The following PCDHA2 variants were observed in gnomAD, a reference collection of about 807,000 sequenced individuals.
The protein encoded by PCDHA2 is protocadherin alpha 2.
In PCDHA2, 58 loss-of-function variants were observed where a neutral mutation model predicts 66.0. That is an observed-to-expected ratio of 0.88 (90% CI 0.71 to 1.09). PCDHA2 has a LOEUF of 1.09. PCDHA2 is among the 50% of genes least tolerant of loss of function. PCDHA2 has a pLI of 0.00. For synonymous variants in PCDHA2, 634 were observed against 554.0 expected (o/e 1.14, Z -2.03); for missense variants, 1,267 against 1,242.3 (o/e 1.02, Z -0.30).
intron 1 of PCDHA2, among the ~76,000 whole-genome samples, chr5:140,935,745 T>C (rs564797649): frequency 6.6e-6 from 1 of 152,324 alleles, no homozygotes; most frequent in South Asian, 2.1e-4. Flanking sequence ...TATTATTCCA[T>C]ACAATACACA....
At chr5:140,831,893 T>C (rs1326674462) in intron 1 of PCDHA2, among the ~76,000 whole-genome samples, 2 of 152,204 alleles carry the variant, frequency 1.3e-5, no homozygotes, top group African/African-American at 4.8e-5. Flanking sequence ...TAACTGTGTT[T>C]GCCAAATAGC....
At chr5:140,869,098 T>C (rs1581867822) in intron 1 of PCDHA2, 7 of 1,596,122 alleles carry the variant, frequency 4.4e-6, no homozygotes, top group Non-Finnish European at 5.1e-6. Flanking sequence ...GCCAATTTCG[T>C]ATGCGATGTT....
In PCDHA2 at chr5:140,895,583, A is replaced by C. The variant is rs545210218; in HGVS notation, c.2389-83366A>C. On this transcript the variant is annotated intron_variant, in intron 1 of 3. Coordinates refer to ENST00000526136, the MANE Select transcript of PCDHA2 (RefSeq NM_018905.3). ...ATATTCTAGATGCAATTACTTTATT[A>C]GATATATAATTTGCAAAGATTTTCT... Among the ~76,000 whole-genome samples, 15 of 152,292 alleles carry C rather than the reference A, an allele frequency of 9.8e-5. No individual in the cohort carries two copies. In the South Asian group the frequency reaches 3.1e-3, roughly 32 times the overall value.
intron 1 of PCDHA2, chr5:140,849,805 C>T: frequency 6.3e-7 from 1 of 1,598,382 alleles, no homozygotes; most frequent in Non-Finnish European, 8.6e-7. Flanking sequence ...TCACTGTGGG[C>T]CACGGCCAGG....
At position 140,794,992 on chromosome 5, in the gene PCDHA2, G is replaced by A; in HGVS notation, c.28G>A (p.Gly10Arg). ...GGCGTCTTCTATCAGAAGGGGCCGA[G>A]GGGCCTGGACACGGCTGCTCTCGCT... The part of the protein sequence containing the change: MASSIRRGR[G>R]AWTRLLSLLL... The change falls in exon 1 of 4, where the codon GGG (glycine) becomes AGG (arginine). Residue 10 changes from glycine to arginine, a missense_variant. Coordinates refer to ENST00000526136, the MANE Select transcript of PCDHA2 (RefSeq NM_018905.3). The A allele has an allele frequency of 6.2e-7, 1 of 1,613,264 alleles. No individual in the cohort carries two copies. Among genetic ancestry groups the A allele is most frequent in the Non-Finnish European group, 8.5e-7 (1 of 1,179,512 alleles).
intron 1 of PCDHA2, chr5:140,842,566 CGAGAGA>C: frequency 6.7e-7 from 1 of 1,503,446 alleles, no homozygotes; most frequent in Non-Finnish European, 9.0e-7. Flanking sequence ...CCCTGGACCG[CGAGAGA>C]GTGTCGGCCT....
rs142949338 is a variant in PCDHA2 at position 140,927,554 on chromosome 5, T to G, written c.2389-51395T>G. On this transcript the variant is annotated intron_variant, in intron 1 of 3. Coordinates refer to ENST00000526136, the MANE Select transcript of PCDHA2 (RefSeq NM_018905.3). ...CGCTCAGGAGACGCACAAGTCACCA[T>G]CATTGTGGTGGACACAAATGACAAC... The G allele has an allele frequency of 5.6e-6, 9 of 1,614,020 alleles. No individual in the cohort carries two copies. The African/African-American group carries it at 1.1e-4, about 19-fold the overall frequency.
At chr5:140,947,027 A>G (rs554018076) in intron 1 of PCDHA2, among the ~76,000 whole-genome samples, 2 of 151,820 alleles carry the variant, frequency 1.3e-5, no homozygotes, top group African/African-American at 2.4e-5. Context: ...GAGGTAATGG[A>G]TATACTAATT....
At chr5:140,878,923 A>G (rs895670993) in intron 1 of PCDHA2, among the ~76,000 whole-genome samples, 8 of 152,222 alleles carry the variant, frequency 5.3e-5, no homozygotes, top group African/African-American at 1.9e-4. Flanking sequence ...AGCTTCAATC[A>G]ATAATTTTAA....
At chr5:140,960,855 A>T (rs1363929142) in intron 1 of PCDHA2, among the ~76,000 whole-genome samples, 1 of 152,204 alleles carries the variant, frequency 6.6e-6, no homozygotes, top group Non-Finnish European at 1.5e-5. Context: ...GGCAACTATA[A>T]GCCAGAAATT....
intron 1 of PCDHA2, chr5:140,883,291 A>G: frequency 6.2e-7 from 1 of 1,614,118 alleles, no homozygotes; most frequent in Non-Finnish European, 8.5e-7. Flanking sequence ...TGGAAGTACT[A>G]GATGTAAATG....
intron 1 of PCDHA2, among the ~76,000 whole-genome samples, chr5:140,818,489 A>G (rs1554127494): frequency 6.6e-6 from 1 of 152,158 alleles, no homozygotes; most frequent in African/African-American, 2.4e-5. Context: ...CACTCACTTG[A>G]TCTTGGATTT....
chr5:140,873,086 C>T (rs984385666), intron 1 of PCDHA2, among the ~76,000 whole-genome samples: 6 of 152,122 alleles, frequency 3.9e-5, no homozygotes, highest in African/African-American at 9.7e-5. Context: ...ATTTCCCCCC[C>T]GTATAGAGGC....
Position 140,843,491 on chromosome 5 carries a change from T to C in PCDHA2, c.2388+46139T>C, listed in dbSNP as rs2150361204. 8 of 1,595,956 alleles carry C rather than the reference T, an allele frequency of 5.0e-6. 1 individual carries two copies. Among genetic ancestry groups the C allele is most frequent in the South Asian group, 1.1e-5 (1 of 90,486 alleles). On this transcript the variant is annotated intron_variant, in intron 1 of 3. Transcript: ENST00000526136. Reference sequence around the variant, plus strand: ...GCTGCTGTACACTGCGCTGCGGTGCTCAGCACTGCCCACTGAGGGCGGGTG... The same window carrying C: ...GCTGCTGTACACTGCGCTGCGGTGCCCAGCACTGCCCACTGAGGGCGGGTG...
intron 1 of PCDHA2, among the ~76,000 whole-genome samples, chr5:140,827,663 G>A (rs1447950540): frequency 1.3e-5 from 2 of 152,174 alleles, no homozygotes; most frequent in Non-Finnish European, 2.9e-5. Context: ...AAGCAGTTCC[G>A]TTAACACTTA....
chr5:140,994,394 T>C (rs1332946220), intron 3 of PCDHA2, among the ~76,000 whole-genome samples: 1 of 152,110 alleles, frequency 6.6e-6, no homozygotes, highest in African/African-American at 2.4e-5. Flanking sequence ...AGTCAGAGAT[T>C]ATTTGACATT....
chr5:140,983,588 C>G (rs530448589), intron 3 of PCDHA2, among the ~76,000 whole-genome samples: 1 of 152,152 alleles, frequency 6.6e-6, no homozygotes, highest in African/African-American at 2.4e-5. Context: ...TACATCTATT[C>G]TACATATGAG....
intron 3 of PCDHA2, among the ~76,000 whole-genome samples, chr5:141,006,067 A>T (rs1202024176): frequency 3.3e-5 from 5 of 151,950 alleles, no homozygotes; most frequent in African/African-American, 1.2e-4. Context: ...AGAAATAAAA[A>T]TCAGATTATT....
At chr5:140,927,672 A>G in intron 1 of PCDHA2, 1 of 1,614,202 alleles carries the variant, frequency 6.2e-7, no homozygotes, top group Non-Finnish European at 8.5e-7. Flanking sequence ...CCTTGGATCC[A>G]GATGAAGGGT....
Sources: allele counts gnomAD v4.1 joint callset (sites outside exome capture counted in the v4.1 genomes callset), GRCh38; gene constraint gnomAD v4.1.1; transcripts MANE v1.5; gene names NCBI Gene and HGNC (gene_info 2026-07-23, HGNC 2026-07-21).